LRRFIP1: variants seen among roughly 807,000 people sequenced by gnomAD.
LRRFIP1 encodes LRR binding FLII interacting protein 1, also known as leucine-rich repeat flightless-interacting protein 1.
A neutral mutation model predicts 104.4 loss-of-function variants in LRRFIP1; 62 were observed. The observed-to-expected ratio is 0.59, with a 90% CI of 0.48 to 0.73. LRRFIP1 has a LOEUF of 0.73. LRRFIP1 is among the 30% of genes least tolerant of loss of function. The pLI is 0.00. For missense variants in LRRFIP1, 796 were observed against 824.5 expected, an observed-to-expected ratio of 0.97 and a Z score of 0.42; for synonymous variants, 300 against 299.0, an observed-to-expected ratio of 1.00 and a Z score of -0.03.
rs574983950 is a variant in LRRFIP1 at position 237,711,953 on chromosome 2, C to T, written c.184-2306C>T. 6.6e-6 allele frequency among the ~76,000 whole-genome samples: 1 copy of T among 152,324 alleles called. No homozygotes were observed. The highest frequency in any genetic ancestry group is 1.9e-4 in the East Asian group (1 of 5,176). On this transcript the variant is annotated intron_variant, in intron 2 of 23. Transcript: ENST00000308482. The surrounding 1 kb of genome is among the most constrained non-coding windows in gnomAD (Gnocchi z 4.4). ...TGCCTTCATGAATTTCGGGTCTTTG[C>T]AAGGCGGCAGCATTCCTGTTTAAAG...
intron 7 of LRRFIP1, among the ~76,000 whole-genome samples, chr2:237,726,159 A>G (rs2094740299): frequency 1.3e-5 from 2 of 152,350 alleles, no homozygotes; most frequent in South Asian, 4.1e-4. Flanking sequence ...GATTTTTACT[A>G]TTAAATTTAT....
intron 1 of LRRFIP1, among the ~76,000 whole-genome samples, chr2:237,683,038 G>C (rs953593853): frequency 2.6e-5 from 4 of 152,224 alleles, no homozygotes; most frequent in African/African-American, 9.6e-5. Context: ...CATCTGGTGG[G>C]TGGAGCCAGG....
chr2:237,656,679 A>G (rs2086872282), intron 1 of LRRFIP1, among the ~76,000 whole-genome samples: 1 of 152,250 alleles, frequency 6.6e-6, no homozygotes, highest in African/African-American at 2.4e-5. Context: ...AACTACCACA[A>G]TAGAAGTTAA....
At chr2:237,673,985 C>G (rs2090757491) in intron 1 of LRRFIP1, among the ~76,000 whole-genome samples, 1 of 152,152 alleles carries the variant, frequency 6.6e-6, no homozygotes, top group African/African-American at 2.4e-5. Flanking sequence ...ATGAAGTTGT[C>G]ACTATTATTG....
intron 13 of LRRFIP1, among the ~76,000 whole-genome samples, chr2:237,749,610 C>T (rs190007833): frequency 5.9e-5 from 9 of 152,176 alleles, no homozygotes; most frequent in African/African-American, 1.2e-4. Flanking sequence ...GCACTTGGCA[C>T]GTTGTGTTGA....
chr2:237,757,457 A>G lies in LRRFIP1; in HGVS notation c.1133A>G (p.Glu378Gly). 6.3e-7 allele frequency: 1 copy of G among 1,583,756 alleles called. No individual in the cohort carries two copies. The highest frequency in any genetic ancestry group is 1.8e-5 in the Admixed American group (1 of 55,408). The part of the protein sequence containing the change: ...ALKQREEMLE[E>G]IRQLQQKQAS... ...CTTTCTGTCTGTTCCTTTCCTCAGG[A>G]AATCCGACAGCTACAGCAGAAACAG... Residue 378 changes from glutamate (E) to glycine (G), a missense_variant and splice_region_variant, in exon 17 of 24, where the codon GAA becomes GGA. Coordinates refer to ENST00000308482, the MANE Select transcript of LRRFIP1 (RefSeq NM_001137550.2).
At position 237,680,076 on chromosome 2, in the gene LRRFIP1, A is replaced by G. The variant is rs770369826; in HGVS notation, c.97-28468A>G. ...TCTCTGAACAAGAAAACTCCACATT[A>G]AAAAGACACGGATCCATCCCCAAAT... On this transcript the variant is annotated intron_variant, in intron 1 of 23. Transcript: ENST00000308482. 5.3e-4 allele frequency among the ~76,000 whole-genome samples: 80 copies of G among 152,250 alleles called. 1 individual carries two copies. Among genetic ancestry groups the G allele is most frequent in the Non-Finnish European group, 1.1e-3 (73 of 68,044 alleles).
chr2:237,774,412 G>GA lies in LRRFIP1; in HGVS notation c.1768dup (p.Ile590AsnfsTer4). ...TTACAAATCAGCGGCTGAAAATGCA[G>GA]AAAAAATAGAAGATGAACTTAAGGC... On this transcript the variant is annotated frameshift_variant, in exon 23 of 24. Coordinates refer to ENST00000308482, the MANE Select transcript of LRRFIP1 (RefSeq NM_001137550.2). LOFTEE classifies it high-confidence loss of function. 4 of 1,613,798 alleles carry GA rather than the reference G, an allele frequency of 2.5e-6. No individual in the cohort carries two copies. Among genetic ancestry groups the GA allele is most frequent in the Non-Finnish European group, 3.4e-6 (4 of 1,179,810 alleles).
At chr2:237,629,427 T>C (rs994293894) in intron 1 of LRRFIP1, among the ~76,000 whole-genome samples, 1 of 151,576 alleles carries the variant, frequency 6.6e-6, no homozygotes, top group African/African-American at 2.4e-5. Context: ...AGAATGAAAA[T>C]TTCCAGAGTT....
intron 1 of LRRFIP1, among the ~76,000 whole-genome samples, chr2:237,667,182 C>T (rs2089550753): frequency 6.6e-6 from 1 of 152,124 alleles, no homozygotes; most frequent in Admixed American, 6.5e-5. Flanking sequence ...TTCCCTTCCC[C>T]CTGACCTCCT....
At chr2:237,761,870 C>T (rs1289089476) in intron 19 of LRRFIP1, among the ~76,000 whole-genome samples, 7 of 152,128 alleles carry the variant, frequency 4.6e-5, no homozygotes, top group Non-Finnish European at 8.8e-5. Context: ...AATTCCAAAA[C>T]AGTTTGATGT....
At chr2:237,744,951 C>A (rs895219198) in intron 11 of LRRFIP1, among the ~76,000 whole-genome samples, 1 of 152,248 alleles carries the variant, frequency 6.6e-6, no homozygotes, top group African/African-American at 2.4e-5. Flanking sequence ...TGCACCATGC[C>A]CACCTCCTCC....
chr2:237,736,226 T>G (rs1405280909), intron 10 of LRRFIP1, among the ~76,000 whole-genome samples: 2 of 152,250 alleles, frequency 1.3e-5, no homozygotes, highest in Non-Finnish European at 2.9e-5. Context: ...TTTATGAATA[T>G]TAAATCCAGT....
chr2:237,752,469 A>G (rs1048652535), intron 14 of LRRFIP1, among the ~76,000 whole-genome samples: 3 of 152,214 alleles, frequency 2.0e-5, no homozygotes, highest in Non-Finnish European at 4.4e-5. Flanking sequence ...TCCCACGTGA[A>G]GCAGCTGTCC....
At chr2:237,697,317 C>T (rs2093257286) in intron 1 of LRRFIP1, among the ~76,000 whole-genome samples, 1 of 152,186 alleles carries the variant, frequency 6.6e-6, no homozygotes, top group African/African-American at 2.4e-5. Context: ...GCCACCACAC[C>T]CGGCCCAATG....
chr2:237,657,753 G>C (rs1434437208), intron 1 of LRRFIP1, among the ~76,000 whole-genome samples: 2 of 152,176 alleles, frequency 1.3e-5, no homozygotes, highest in Non-Finnish European at 2.9e-5. Context: ...AAAATGCAAG[G>C]ATTCAGGAAT....
intron 2 of LRRFIP1, among the ~76,000 whole-genome samples, chr2:237,712,337 G>A (rs951848869): frequency 6.6e-6 from 1 of 152,164 alleles, no homozygotes; most frequent in Non-Finnish European, 1.5e-5. Context: ...GAGTGAATCC[G>A]TGGGCCATGG....
chr2:237,749,091 G>C (rs2150605862), intron 12 of LRRFIP1, 108 bp from the exon 13 acceptor site: 1 of 1,203,202 alleles, frequency 8.3e-7, no homozygotes, highest in South Asian at 1.5e-5. Flanking sequence ...CCTCCCACCA[G>C]GGCCGTCCCT....
intron 1 of LRRFIP1, among the ~76,000 whole-genome samples, chr2:237,672,065 G>T (rs986530055): frequency 1.3e-5 from 2 of 151,868 alleles, no homozygotes; most frequent in African/African-American, 4.8e-5. Flanking sequence ...CAGTGTTTCA[G>T]TAAATAGTTC....
Sources: gnomAD v4.1 joint callset for allele counts (sites outside exome capture counted in the v4.1 genomes callset) on GRCh38, gnomAD v4.1.1 for gene constraint, Gnocchi (gnomAD v3.1) non-coding constraint, MANE v1.5 for transcripts, NCBI Gene and HGNC (gene_info 2026-07-23, HGNC 2026-07-21) for gene names.